Variants in POU6F2 observed in about 807,000 individuals in gnomAD.
POU6F2 encodes the protein POU domain, class 6, transcription factor 2.
Under a neutral mutation model 71.3 loss-of-function variants are expected in POU6F2, and 31 were observed. The ratio of observed to expected loss-of-function variants is 0.43; its 90% CI spans 0.33 to 0.59. POU6F2 has a LOEUF of 0.59. Ranked by LOEUF, POU6F2 falls within the 20% of genes least tolerant of loss-of-function variation. The pLI is 0.04. For synonymous variants in POU6F2, 347 were observed against 355.7 expected (o/e 0.98, Z 0.27); for missense variants, 783 against 856.8 (o/e 0.91, Z 1.07).
At chr7:39,338,359 C>T (rs1250864502) in intron 4 of POU6F2, among the ~76,000 whole-genome samples, 1 of 152,216 alleles carries the variant, frequency 6.6e-6, no homozygotes, top group East Asian at 1.9e-4. Flanking sequence ...TGCCGGGGTA[C>T]TTTCCAGGCC....
chr7:39,249,183 C>A (rs536310173), intron 4 of POU6F2, among the ~76,000 whole-genome samples: 1 of 152,340 alleles, frequency 6.6e-6, no homozygotes, highest in Admixed American at 6.5e-5. Context: ...GTTGCTGACT[C>A]CTTAATGTGC....
intron 2 of POU6F2, among the ~76,000 whole-genome samples, chr7:39,185,509 GGTT>G (rs1192042889): frequency 1.3e-5 from 2 of 152,034 alleles, no homozygotes; most frequent in African/African-American, 2.4e-5. Context: ...TCTCAAAGAA[GGTT>G]TTATAAAAAT....
At chr7:39,050,634 G>T (rs554552353) in intron 1 of POU6F2, among the ~76,000 whole-genome samples, 1 of 152,102 alleles carries the variant, frequency 6.6e-6, no homozygotes, top group Non-Finnish European at 1.5e-5. Context: ...TAATTCCCTT[G>T]TCTTTGATAT....
intron 4 of POU6F2, among the ~76,000 whole-genome samples, chr7:39,308,876 C>A (rs147090146): frequency 7.5e-4 from 114 of 152,298 alleles, no homozygotes; most frequent in Middle Eastern, 3.4e-3. Flanking sequence ...GGAATTGATC[C>A]GCCTACCTTC....
chr7:39,378,043 C>T lies in POU6F2; in HGVS notation c.973-28557C>T, dbSNP rs561467032. On this transcript the variant is annotated intron_variant, in intron 5 of 9. Transcript: ENST00000518318. ...TCTGCATCCCTCAGAATATTTTGTGCCACTAATTGGTCCAATGATATAAGT... is the reference window on the plus strand; with the variant it reads ...TCTGCATCCCTCAGAATATTTTGTGTCACTAATTGGTCCAATGATATAAGT... 5.9e-5 allele frequency among the ~76,000 whole-genome samples: 9 copies of T among 152,208 alleles called. 1 individual carries two copies. In the South Asian group the frequency reaches 1.5e-3, roughly 25 times the overall value.
chr7:39,007,128 T>G (rs1789096659), intron 1 of POU6F2, among the ~76,000 whole-genome samples: 1 of 152,234 alleles, frequency 6.6e-6, no homozygotes. Context: ...ACTATATATC[T>G]CTTTCCTTAC....
At chr7:39,092,289 G>T (rs1235083598) in intron 2 of POU6F2, among the ~76,000 whole-genome samples, 1 of 152,018 alleles carries the variant, frequency 6.6e-6, no homozygotes, top group East Asian at 1.9e-4. Flanking sequence ...CCAGCGGATG[G>T]GTTTCTCTTT....
At chr7:39,335,938 G>A (rs1306834098) in intron 4 of POU6F2, among the ~76,000 whole-genome samples, 2 of 152,124 alleles carry the variant, frequency 1.3e-5, no homozygotes, top group African/African-American at 4.8e-5. Flanking sequence ...CGGCATCCTG[G>A]CCAAGGCTCT....
chr7:39,086,416 A>G (rs1791246934), intron 2 of POU6F2, among the ~76,000 whole-genome samples: 1 of 152,156 alleles, frequency 6.6e-6, no homozygotes, highest in Non-Finnish European at 1.5e-5. Flanking sequence ...GTTAAGGGGA[A>G]GGTGAGTAAA....
At chr7:39,310,085 T>A (rs1401207449) in intron 4 of POU6F2, among the ~76,000 whole-genome samples, 4 of 152,140 alleles carry the variant, frequency 2.6e-5, no homozygotes, top group African/African-American at 9.7e-5. Flanking sequence ...AAGTTAAGGT[T>A]ACTATTGGAG....
intron 6 of POU6F2, among the ~76,000 whole-genome samples, chr7:39,430,057 G>A (rs1390005080): frequency 6.6e-6 from 1 of 152,148 alleles, no homozygotes; most frequent in South Asian, 2.1e-4. Context: ...CGTGCTAAAA[G>A]GAATCAGAGC....
chr7:39,031,164 G>A (rs1338698951), intron 1 of POU6F2, among the ~76,000 whole-genome samples: 1 of 152,156 alleles, frequency 6.6e-6, no homozygotes, highest in African/African-American at 2.4e-5. Flanking sequence ...CTCCCAAAGT[G>A]CTGGGATTAC....
At chr7:39,091,097 C>G (rs963452307) in intron 2 of POU6F2, among the ~76,000 whole-genome samples, 1 of 152,144 alleles carries the variant, frequency 6.6e-6, no homozygotes. Flanking sequence ...GAAAAACCAC[C>G]GTAATGCTGC....
intron 4 of POU6F2, among the ~76,000 whole-genome samples, chr7:39,243,814 G>A (rs1424457802): frequency 1.3e-5 from 2 of 151,960 alleles, no homozygotes; most frequent in Admixed American, 1.3e-4. Context: ...TTGTCTCTTG[G>A]TCAGTTGGAA....
intron 2 of POU6F2, among the ~76,000 whole-genome samples, chr7:39,133,982 C>T (rs1792341174): frequency 6.6e-6 from 1 of 152,144 alleles, no homozygotes; most frequent in South Asian, 2.1e-4. Context: ...TCAAGGGATC[C>T]TCCCACCTCA....
At chr7:39,293,406 AGAAAGATGTAGTTATCT>A (rs1376321316) in intron 4 of POU6F2, among the ~76,000 whole-genome samples, 3 of 152,234 alleles carry the variant, frequency 2.0e-5, no homozygotes, top group Non-Finnish European at 2.9e-5. Flanking sequence ...GCGCTGCGGT[AGAAAGATGTAGTTATCT>A]GCAGTCTATT....
intron 1 of POU6F2, among the ~76,000 whole-genome samples, chr7:39,049,505 C>T (rs185408709): frequency 1.4e-3 from 210 of 151,946 alleles, no homozygotes; most frequent in African/African-American, 4.8e-3. Flanking sequence ...GACTTAATTC[C>T]GTTGTAGTCA....
intron 2 of POU6F2, among the ~76,000 whole-genome samples, chr7:39,099,735 A>G (rs1050372110): frequency 6.6e-6 from 1 of 152,182 alleles, no homozygotes; most frequent in Admixed American, 6.5e-5. Flanking sequence ...AGATTATGTA[A>G]AGGAAGGCAA....
chr7:39,419,115 A>ACG, intron 6 of POU6F2, among the ~76,000 whole-genome samples: 1 of 56,254 alleles, frequency 1.8e-5, no homozygotes, highest in Non-Finnish European at 3.8e-5. Context: ...ATATATACGT[A>ACG]TATATGTGTA....
Sources: gnomAD v4.1 joint callset for allele counts (sites outside exome capture counted in the v4.1 genomes callset) on GRCh38, gnomAD v4.1.1 for gene constraint, MANE v1.5 for transcripts, NCBI Gene and HGNC (gene_info 2026-07-23, HGNC 2026-07-21) for gene names.